The following ZNF469 variants were observed in gnomAD, a reference collection of about 807,000 sequenced individuals.
ZNF469 encodes the protein zinc finger protein 469.
A neutral mutation model predicts 1.0 loss-of-function variants in ZNF469; 1 was observed. The ratio of observed to expected loss-of-function variants is 1.00; its 90% CI spans 0.35 to 4.73. The LOEUF is 4.73. Among genes scored for constraint, ZNF469 ranks in the 30% most tolerant of loss-of-function variants. The pLI, the probability that ZNF469 is intolerant of heterozygous loss-of-function variation, is 0.16. For missense variants in ZNF469, 6,100 were observed against 5,356.3 expected (o/e 1.14, Z -4.33); for synonymous variants, 2,703 against 2,363.4 (o/e 1.14, Z -4.17).
At chr16:88,393,605 C>T (rs1003215748) in intron 1 of ZNF469, among the ~76,000 whole-genome samples, 29 of 152,224 alleles carry the variant, frequency 1.9e-4, no homozygotes, top group African/African-American at 6.3e-4. Context: ...CCGAGCTGCC[C>T]GGGCAGGAGG....
the ZNF469 span, among the ~76,000 whole-genome samples, chr16:88,341,876 C>T: frequency 6.6e-6 from 1 of 152,066 alleles, no homozygotes; most frequent in Non-Finnish European, 1.5e-5. Flanking sequence ...AGGGCCAGGG[C>T]GAGAGCATCA....
chr16:88,303,735 C>T, the ZNF469 span, among the ~76,000 whole-genome samples: 28 of 152,320 alleles, frequency 1.8e-4, no homozygotes, highest in Non-Finnish European at 4.0e-4. Flanking sequence ...CTCTTCAGAA[C>T]ATGTTTGACT....
chr16:88,111,694 T>G, the ZNF469 span, among the ~76,000 whole-genome samples: 2 of 152,186 alleles, frequency 1.3e-5, no homozygotes, highest in Non-Finnish European at 2.9e-5. Flanking sequence ...TGGAGTGCAG[T>G]GGTGCCATCT....
Position 88,431,642 on chromosome 16 carries a change from C to G in ZNF469, c.4172C>G (p.Ala1391Gly). Reference sequence around the variant, plus strand: ...TTGTTCCTCGGACCCAAAGACCTGGCTGGCTGTTTCCTGGAAGAACTGCAC... The same window carrying G: ...TTGTTCCTCGGACCCAAAGACCTGGGTGGCTGTTTCCTGGAAGAACTGCAC... ...SELFLGPKDLAGCFLEELHPK... is the reference protein window; with the variant it reads ...SELFLGPKDLGGCFLEELHPK... The change falls in exon 3 of 3, where the codon GCT becomes GGT. Residue 1391 changes from alanine to glycine, a missense_variant. Coordinates refer to ENST00000565624, the MANE Select transcript of ZNF469 (RefSeq NM_001367624.2). 1.3e-6 allele frequency: 2 copies of G among 1,550,526 alleles called. No individual in the cohort carries two copies. The highest frequency in any genetic ancestry group is 2.0e-5 in the Admixed American group (1 of 51,016).
At chr16:88,133,581 A>T in the ZNF469 span, among the ~76,000 whole-genome samples, 1 of 152,154 alleles carries the variant, frequency 6.6e-6, no homozygotes, top group African/African-American at 2.4e-5. Flanking sequence ...AAGTTCAATC[A>T]TTCAAGCAAT....
chr16:88,163,679 T>C, the ZNF469 span, among the ~76,000 whole-genome samples: 121,323 of 148,506 alleles, frequency 0.82, 50,026 homozygotes, highest in African/African-American at 0.86. Flanking sequence ...GGTGGGCAGA[T>C]ATATGGGTGG....
the ZNF469 span, among the ~76,000 whole-genome samples, chr16:88,109,644 A>T: frequency 7.3e-6 from 1 of 137,502 alleles, no homozygotes. Context: ...GGAGGTGCTG[A>T]GCGTCTGTGT....
chr16:88,322,299 G>A, the ZNF469 span, among the ~76,000 whole-genome samples: 4 of 152,332 alleles, frequency 2.6e-5, 1 homozygote, highest in East Asian at 1.9e-4. Flanking sequence ...GAGGCCCCAC[G>A]GCCGCTCTGG....
chr16:88,360,804 G>A, the ZNF469 span, among the ~76,000 whole-genome samples: 368 of 151,818 alleles, frequency 2.4e-3, 2 homozygotes, highest in Middle Eastern at 0.017. Flanking sequence ...GACAGTGCCC[G>A]CGTGCTCTCT....
the ZNF469 span, among the ~76,000 whole-genome samples, chr16:88,353,231 G>A: frequency 5.3e-5 from 8 of 152,158 alleles, no homozygotes; most frequent in Non-Finnish European, 5.9e-5. Context: ...CCTCTCACTC[G>A]AGACGTCACA....
At chr16:88,241,374 C>T in the ZNF469 span, among the ~76,000 whole-genome samples, 1 of 150,026 alleles carries the variant, frequency 6.7e-6, no homozygotes, top group Admixed American at 6.6e-5. This position sits in a 1 kb window ranked among gnomAD's most constrained non-coding sequence, Gnocchi z 4.8. Flanking sequence ...AAAAAAAAAG[C>T]CCTATTGTCA....
rs932235572 is a variant in ZNF469, at chr16:88,434,682, C to T, written c.7212C>T (p.Gly2404=). Residue 2404 remains glycine (G), a synonymous_variant, in exon 3 of 3, where the codon GGC becomes GGT. Coordinates refer to ENST00000565624, the MANE Select transcript of ZNF469 (RefSeq NM_001367624.2). The part of the protein sequence containing the change: ...PRVTCPSTGL[G]LGRTTAPSST... ...TCACCTGCCCTTCCACAGGACTGGGCTTGGGAAGAACCACAGCCCCAAGCA... is the reference window on the plus strand; with the variant it reads ...TCACCTGCCCTTCCACAGGACTGGGTTTGGGAAGAACCACAGCCCCAAGCA... 6.4e-7 allele frequency: 1 copy of T among 1,550,426 alleles called. No homozygotes were observed. The highest frequency in any genetic ancestry group is 8.7e-7 in the Non-Finnish European group (1 of 1,146,986).
At chr16:88,245,553 G>A in the ZNF469 span, among the ~76,000 whole-genome samples, 2 of 152,246 alleles carry the variant, frequency 1.3e-5, no homozygotes, top group African/African-American at 4.8e-5. Context: ...AAGGCTGACA[G>A]GCAACAGTCG....
In ZNF469 at chr16:88,406,108, A is replaced by G. The variant is rs544139355; in HGVS notation, c.-191-18699A>G. On this transcript the variant is annotated intron_variant, in intron 1 of 2. Transcript: ENST00000565624. ...GCAGCCCGGAGCCGACCACGCCACC[A>G]CGAGCCACCGTGTCCAGCCAGGCCC... Among the ~76,000 whole-genome samples, 634 of 152,294 alleles carry G rather than the reference A, an allele frequency of 4.2e-3. 10 individuals carry two copies. The highest frequency in any genetic ancestry group is 0.015 in the African/African-American group (606 of 41,560).
chr16:88,431,849 C>G lies in ZNF469; in HGVS notation c.4379C>G (p.Pro1460Arg), dbSNP rs748602541. 1.4e-5 allele frequency: 22 copies of G among 1,549,900 alleles called. 1 individual carries two copies. In the South Asian group the frequency reaches 2.4e-4, roughly 17 times the overall value. ...TCCTCATCCCTCTTCCCAGACCTGC[C>G]GGTGGACAGATTCGACCCACCCCTC... ...LESSSLFPDL[P>R]VDRFDPPLYG... Residue 1460 changes from proline to arginine, a missense_variant, in exon 3 of 3, where the codon CCG becomes CGG. Transcript: ENST00000565624.
At chr16:88,349,439 C>T in the ZNF469 span, among the ~76,000 whole-genome samples, 1 of 149,220 alleles carries the variant, frequency 6.7e-6, no homozygotes, top group Non-Finnish European at 1.5e-5. Context: ...ACACACCAGG[C>T]ACAATACACA....
At chr16:88,250,376 T>C in the ZNF469 span, among the ~76,000 whole-genome samples, 1 of 152,248 alleles carries the variant, frequency 6.6e-6, no homozygotes, top group Non-Finnish European at 1.5e-5. Flanking sequence ...TTCTGTTACA[T>C]GTAGCTCTAG....
chr16:88,197,989 G>C, the ZNF469 span, among the ~76,000 whole-genome samples: 7 of 152,242 alleles, frequency 4.6e-5, no homozygotes, highest in African/African-American at 1.7e-4. Context: ...CCTGAGTCCA[G>C]CCCACACTCA....
the ZNF469 span, among the ~76,000 whole-genome samples, chr16:88,190,629 A>G: frequency 6.6e-6 from 1 of 152,214 alleles, no homozygotes; most frequent in Non-Finnish European, 1.5e-5. Flanking sequence ...TGGAAGCAAC[A>G]CAGGCAAGAG....
Sources: allele counts gnomAD v4.1 joint callset (sites outside exome capture counted in the v4.1 genomes callset), GRCh38; gene constraint gnomAD v4.1.1; non-coding constraint Gnocchi (gnomAD v3.1); transcripts MANE v1.5; gene names NCBI Gene and HGNC (gene_info 2026-07-23, HGNC 2026-07-21).